Variants in RIMBP2 observed in about 807,000 individuals in gnomAD.
RIMBP2 encodes the protein RIMS-binding protein 2.
RIMBP2 carries 48 observed loss-of-function variants against 118.6 expected under a neutral mutation model. The observed-to-expected ratio is 0.40, with a 90% confidence interval of 0.32 to 0.51. The LOEUF is 0.51. Ranked by LOEUF, RIMBP2 falls within the 20% of genes least tolerant of loss-of-function variation. RIMBP2 has a pLI of 0.41. For missense variants in RIMBP2, 1,551 were observed against 1,768.3 expected (o/e 0.88, Z 2.20); for synonymous variants, 762 against 742.9 (o/e 1.03, Z -0.42).
intron 1 of RIMBP2, among the ~76,000 whole-genome samples, chr12:130,646,315 TTCCCTCTCCACCTGCCTCA>T (rs2062945102): frequency 8.5e-4 from 3 of 3,546 alleles, no homozygotes; most frequent in Admixed American, 1.9e-3. Context: ...CCCTCACCAC[TTCCCTCTCCACCTGCCTCA>T]CCACCTCCCT....
rs77849477 is a variant in RIMBP2 at position 130,646,445 on chromosome 12, A to G, written c.-351-17989T>C. ...CACTTCCCTCTCCACCTCCCTTGCC[A>G]CCTCCCTCGCCACCTCCCTCGCTAC... On this transcript the variant is annotated intron_variant, in intron 1 of 22. Transcript: ENST00000690449. Among the ~76,000 whole-genome samples the G allele has an allele frequency of 1.4e-3, 79 of 56,186 alleles. 31 individuals are homozygous for G. Among genetic ancestry groups the G allele is most frequent in the East Asian group, 0.013 (24 of 1,786 alleles). 36.9% of individuals were successfully genotyped at this position (56,186 alleles called of 152,430 possible). A position where few individuals can be genotyped will look rare whatever the true frequency, so the allele number is the denominator to read the frequency against.
At chr12:130,665,502 C>A (rs528213150) in intron 1 of RIMBP2, among the ~76,000 whole-genome samples, 1 of 151,448 alleles carries the variant, frequency 6.6e-6, no homozygotes, top group Non-Finnish European at 1.5e-5. Context: ...GCCGAGATCA[C>A]GCCACTGCAC....
intron 7 of RIMBP2, among the ~76,000 whole-genome samples, chr12:130,454,060 CAA>C (rs1382814492): frequency 6.9e-6 from 1 of 144,336 alleles, no homozygotes; most frequent in African/African-American, 2.9e-5. Context: ...ATGCAAAAAA[CAA>C]AACACAAAAA....
At chr12:130,499,665 A>G (rs903815552) in intron 4 of RIMBP2, among the ~76,000 whole-genome samples, 1 of 152,124 alleles carries the variant, frequency 6.6e-6, no homozygotes, top group African/African-American at 2.4e-5. Flanking sequence ...ACCTCTGCAC[A>G]GCTCCCTCCC....
At chr12:130,461,704 C>G (rs11060900) in intron 6 of RIMBP2, among the ~76,000 whole-genome samples, 143,335 of 152,088 alleles carry the variant, frequency 0.94, 68,133 homozygotes, top group East Asian at 1. Context: ...ACAAGGTCTG[C>G]TTGTTGAAAA....
At chr12:130,619,128 T>C (rs1274006427) in intron 2 of RIMBP2, among the ~76,000 whole-genome samples, 1 of 152,228 alleles carries the variant, frequency 6.6e-6, no homozygotes, top group Non-Finnish European at 1.5e-5. Context: ...TGTTAATTAA[T>C]CCACTTCTTC....
intron 1 of RIMBP2, among the ~76,000 whole-genome samples, chr12:130,662,000 C>T (rs2063684727): frequency 6.6e-6 from 1 of 152,194 alleles, no homozygotes; most frequent in Non-Finnish European, 1.5e-5. Flanking sequence ...CTGAAATCAC[C>T]TGGGCTTACC....
Position 130,438,339 on chromosome 12 carries a change from TCCCCACCCA to T in RIMBP2, c.1656+17_1656+25del. 1 of 755,632 alleles carries T rather than the reference TCCCCACCCA, an allele frequency of 1.3e-6. No individual in the cohort carries two copies. Among genetic ancestry groups the T allele is most frequent in the Non-Finnish European group, 2.1e-6 (1 of 480,114 alleles). The allele number at this position is 755,632 out of a possible 1,614,324, so 46.8% of individuals were successfully genotyped here. On this transcript the variant is annotated intron_variant, in intron 12 of 22. Transcript: ENST00000690449. ...TGCTGCGTTAGGGCCTAACAAACCC[TCCCCACCCA>T]CCCAACGAAAACTCACCCTCTGCCC...
intron 1 of RIMBP2, among the ~76,000 whole-genome samples, chr12:130,664,305 A>G (rs765689367): frequency 2.0e-5 from 3 of 151,744 alleles, no homozygotes; most frequent in Non-Finnish European, 4.4e-5. Context: ...ATTTGAAGGC[A>G]TCAAATAGAG....
intron 2 of RIMBP2, among the ~76,000 whole-genome samples, chr12:130,526,550 TG>T (rs2052806840): frequency 6.6e-6 from 1 of 152,212 alleles, no homozygotes; most frequent in African/African-American, 2.4e-5. Context: ...ACAGCGAGTT[TG>T]GGTTTTGAAT....
chr12:130,682,750 T>C (rs767499413), intron 1 of RIMBP2, among the ~76,000 whole-genome samples: 4 of 152,198 alleles, frequency 2.6e-5, no homozygotes, highest in Non-Finnish European at 5.9e-5. Context: ...CAGCGCCCAA[T>C]CTCTGCTTCC....
chr12:130,593,949 A>G (rs962539663), intron 2 of RIMBP2, among the ~76,000 whole-genome samples: 3 of 152,198 alleles, frequency 2.0e-5, no homozygotes, highest in African/African-American at 7.2e-5. Flanking sequence ...TTTGCGTTAC[A>G]ATGTCTTCCA....
intron 1 of RIMBP2, among the ~76,000 whole-genome samples, chr12:130,637,620 T>C (rs2062410059): frequency 6.6e-6 from 1 of 152,230 alleles, no homozygotes; most frequent in Admixed American, 6.5e-5. Context: ...AATTGATCAA[T>C]GTATCCCTGC....
chr12:130,657,088 G>T (rs142557244), intron 1 of RIMBP2, among the ~76,000 whole-genome samples: 1 of 152,290 alleles, frequency 6.6e-6, no homozygotes, highest in Non-Finnish European at 1.5e-5. Flanking sequence ...TCTAGAGATA[G>T]GGTCTTGCTA....
intron 2 of RIMBP2, among the ~76,000 whole-genome samples, chr12:130,607,652 G>A (rs906331169): frequency 5.3e-5 from 8 of 151,964 alleles, no homozygotes; most frequent in East Asian, 3.9e-4. Context: ...GCCCGAGAGC[G>A]AGTCAGACAC....
rs746938510 is a variant in RIMBP2 at position 130,664,413 on chromosome 12, A to ACGCG, written c.-351-35958_-351-35957insCGCG. Reference sequence around the variant, plus strand: ...TGCACACACACGCACGCACGCACGCACACACACGCACACACATGCATGCAC... The same window carrying ACGCG: ...TGCACACACACGCACGCACGCACGCACGCGCACACACGCACACACATGCATGCAC... On this transcript the variant is annotated intron_variant, in intron 1 of 22. Transcript: ENST00000690449. Among the ~76,000 whole-genome samples the ACGCG allele has an allele frequency of 7.0e-4, 85 of 121,326 alleles. No individual in the cohort carries two copies. The East Asian group carries it at 0.014, about 20-fold the overall frequency. The allele number at this position is 121,326 out of a possible 152,430, so 79.6% of individuals were successfully genotyped here.
At chr12:130,597,633 A>G (rs900243680) in intron 2 of RIMBP2, among the ~76,000 whole-genome samples, 1 of 152,260 alleles carries the variant, frequency 6.6e-6, no homozygotes. Context: ...CATTATACAA[A>G]GAATTCTATG....
chr12:130,550,391 T>C (rs1398900813), intron 2 of RIMBP2, among the ~76,000 whole-genome samples: 3 of 152,148 alleles, frequency 2.0e-5, no homozygotes, highest in Non-Finnish European at 4.4e-5. Flanking sequence ...ATTTGAATGG[T>C]AAAAATGATC....
Position 130,446,637 on chromosome 12 carries a change from G to T in RIMBP2, c.582-1368C>A, listed in dbSNP as rs11060892. ...CTAACACAAAGCTCGGCAGTGGAAC[G>T]GGACAAGAGCTCTGGAAGAAGGAAT... On this transcript the variant is annotated intron_variant, in intron 9 of 22. Transcript: ENST00000690449. This position sits in a 1 kb window ranked among gnomAD's most constrained non-coding sequence, Gnocchi z 4.1. Among the ~76,000 whole-genome samples, 1 of 152,084 alleles carries T rather than the reference G, an allele frequency of 6.6e-6. No homozygotes were observed. Among genetic ancestry groups the T allele is most frequent in the South Asian group, 2.1e-4 (1 of 4,820 alleles).
Sources: gnomAD v4.1 joint callset for allele counts (sites outside exome capture counted in the v4.1 genomes callset) on GRCh38, gnomAD v4.1.1 for gene constraint, Gnocchi (gnomAD v3.1) non-coding constraint, MANE v1.5 for transcripts, NCBI Gene and HGNC (gene_info 2026-07-23, HGNC 2026-07-21) for gene names.